Variants in SYNE2 observed in about 807,000 individuals in gnomAD.
SYNE2 encodes the protein nesprin-2.
SYNE2 carries 431 observed loss-of-function variants against 856.3 expected under a neutral mutation model. The ratio of observed to expected loss-of-function variants is 0.50; its 90% CI spans 0.47 to 0.55. The LOEUF is 0.55. SYNE2 is among the 20% of genes least tolerant of loss of function. The pLI is 0.00. For missense variants in SYNE2, 8,129 were observed against 8,023.2 expected (o/e 1.01, Z -0.50); for synonymous variants, 2,923 against 2,872.3 (o/e 1.02, Z -0.56).
intron 63 of SYNE2, chr14:64,099,041 G>T (rs2097700130): frequency 1.9e-6 from 1 of 538,012 alleles, no homozygotes. Flanking sequence ...AGACACTCTT[G>T]TTGGCATACG....
At chr14:63,789,874 AG>A (rs1436131906) in intron 1 of SYNE2, among the ~76,000 whole-genome samples, 1 of 152,106 alleles carries the variant, frequency 6.6e-6, no homozygotes, top group Non-Finnish European at 1.5e-5. Context: ...AAAAAATTGT[AG>A]GGGAGTTTGA....
intron 2 of SYNE2, among the ~76,000 whole-genome samples, chr14:63,939,090 C>T (rs968376761): frequency 7.2e-5 from 11 of 152,174 alleles, no homozygotes; most frequent in African/African-American, 2.4e-4. Flanking sequence ...GCATTGGGCA[C>T]AGGGTGCCAT....
intron 7 of SYNE2, among the ~76,000 whole-genome samples, chr14:63,951,011 T>G (rs968324702): frequency 2.7e-5 from 3 of 111,000 alleles, no homozygotes; most frequent in Admixed American, 8.4e-5. Context: ...TGCTCATATC[T>G]TTTTTTTTTT....
rs112309828 is a variant in SYNE2, at chr14:64,188,662, A to T, written c.17825A>T (p.Gln5942Leu). ...GTGCAGATGGAAAACAAAGTTCTAC[A>T]GACAGCGGACATTAGTATTGAAGAA... is the stretch of plus-strand genomic sequence containing the variant. Reference protein sequence around the residue: ...WLVQMENKVLQTADISIEEMI... With the variant: ...WLVQMENKVLLTADISIEEMI... Residue 5942 changes from glutamine (Q) to leucine (L), a missense_variant, in exon 98 of 116, where the codon CAG becomes CTG. Gln to Leu is a moderately radical substitution (Grantham distance 113). This residue lies in a region of SYNE2 where 5,410 missense variants were observed against 5,284.8 expected (regional missense o/e 1.02). Transcript: ENST00000555002. 1.9e-6 allele frequency: 3 copies of T among 1,614,150 alleles called. No homozygotes were observed.
chr14:64,022,977 C>G (rs989412944), intron 38 of SYNE2, 114 bp downstream of exon 38: 5 of 683,076 alleles, frequency 7.3e-6, no homozygotes, highest in South Asian at 7.0e-5. Flanking sequence ...ACCTGTAATC[C>G]TAGCATTTTC....
chr14:63,827,376 G>A (rs28399904), intron 1 of SYNE2, among the ~76,000 whole-genome samples: 1 of 151,670 alleles, frequency 6.6e-6, no homozygotes, highest in South Asian at 2.1e-4. Context: ...TGTAATCCCA[G>A]CACTTTGGGA....
At chr14:63,800,418 G>C (rs1387529594) in intron 1 of SYNE2, among the ~76,000 whole-genome samples, 2 of 151,980 alleles carry the variant, frequency 1.3e-5, no homozygotes, top group Non-Finnish European at 2.9e-5. Flanking sequence ...AAAGAGCTGG[G>C]ATCTTTTGTA....
chr14:64,042,490 C>G (rs2097156419), intron 45 of SYNE2, among the ~76,000 whole-genome samples: 1 of 152,180 alleles, frequency 6.6e-6, no homozygotes, highest in Non-Finnish European at 1.5e-5. Flanking sequence ...AAATCTCATC[C>G]TGAATTGTAA....
rs2096414700 is a variant in SYNE2, at chr14:63,967,773, T to C, written c.1055T>C (p.Ile352Thr). The C allele has an allele frequency of 6.2e-7, 1 of 1,613,954 alleles. No homozygotes were observed. The highest frequency in any genetic ancestry group is 8.5e-7 in the Non-Finnish European group (1 of 1,179,926). Reference protein sequence around the residue: ...EKKSFLDVLSIKRDLDELDKD... With the variant: ...EKKSFLDVLSTKRDLDELDKD... ...AAGTCCTTTTTGGATGTCCTGTCAA[T>C]AAAACGGGATCTGGATGAGCTGGAC... is the stretch of plus-strand genomic sequence containing the variant. Residue 352 changes from isoleucine (I) to threonine (T), a missense_variant, in exon 11 of 116, where the codon ATA becomes ACA. Ile to Thr is a moderately conservative substitution (Grantham distance 89, BLOSUM62 -1). Coordinates refer to ENST00000555002, the MANE Select transcript of SYNE2 (RefSeq NM_182914.3).
intron 84 of SYNE2, among the ~76,000 whole-genome samples, chr14:64,146,463 T>C (rs1411082429): frequency 1.3e-5 from 2 of 152,242 alleles, no homozygotes; most frequent in Non-Finnish European, 2.9e-5. Context: ...TCTTAAGAGG[T>C]TTGAGTAGTA....
At chr14:63,979,748 A>C (rs1387250375) in intron 14 of SYNE2, among the ~76,000 whole-genome samples, 1 of 152,148 alleles carries the variant, frequency 6.6e-6, no homozygotes, top group Non-Finnish European at 1.5e-5. Flanking sequence ...AAAAATACAA[A>C]AATTAGCTGG....
chr14:63,831,692 A>G (rs1311951377), intron 1 of SYNE2, among the ~76,000 whole-genome samples: 3 of 151,014 alleles, frequency 2.0e-5, no homozygotes, highest in Admixed American at 1.3e-4. Context: ...AGTAGCTGAT[A>G]CTACAGGCAT....
At position 63,954,891 on chromosome 14, in the gene SYNE2, A is replaced by G; in HGVS notation, c.763A>G (p.Ile255Val). The change falls in exon 8 of 116, where the codon ATC (isoleucine) becomes GTC (valine). Residue 255 changes from isoleucine (I) to valine (V), a missense_variant. This residue lies in a region of SYNE2 where 2,422 missense variants were observed against 2,357.4 expected (regional missense o/e 1.03). Transcript: ENST00000555002. ...AFRIAEQELKIPRLLEPEDVD... is the reference protein window; with the variant it reads ...AFRIAEQELKVPRLLEPEDVD... ...CAGAATTGCAGAACAAGAATTAAAAATCCCCAGATTGCTGGAACCAGAAGG... is the reference window on the plus strand; with the variant it reads ...CAGAATTGCAGAACAAGAATTAAAAGTCCCCAGATTGCTGGAACCAGAAGG... 2 of 1,613,576 alleles carry G rather than the reference A, an allele frequency of 1.2e-6. No individual in the cohort carries two copies. Among genetic ancestry groups the G allele is most frequent in the Non-Finnish European group, 1.7e-6 (2 of 1,179,884 alleles).
chr14:63,865,457 A>G (rs1355492930), intron 1 of SYNE2, among the ~76,000 whole-genome samples: 2 of 151,790 alleles, frequency 1.3e-5, no homozygotes, highest in African/African-American at 4.8e-5. Context: ...TAGAATGATG[A>G]GTAGGGCTTT....
chr14:63,998,304 C>T lies in SYNE2; in HGVS notation c.3329C>T (p.Ala1110Val). 1 of 1,612,254 alleles carries T rather than the reference C, an allele frequency of 6.2e-7. No homozygotes were observed. Among genetic ancestry groups the T allele is most frequent in the Non-Finnish European group, 8.5e-7 (1 of 1,178,318 alleles). Residue 1110 changes from alanine to valine, a missense_variant, in exon 26 of 116, where the codon GCA becomes GTA. Around this residue, in one of 3 missense-constraint regions of SYNE2, gnomAD observed 2,422 missense variants for 2,357.4 expected, o/e 1.03. Coordinates refer to ENST00000555002, the MANE Select transcript of SYNE2 (RefSeq NM_182914.3). ...EESIMEKDYSASINSLLERYD... is the reference protein window; with the variant it reads ...EESIMEKDYSVSINSLLERYD... ...AGCATTATGGAAAAGGATTACAGTG[C>T]ATCTATAAATAGTTTACTAGAGAGG...
rs1008964673 is a variant in SYNE2 at position 63,865,660 on chromosome 14, C to T, written c.-52+12517C>T. 1.1e-4 allele frequency among the ~76,000 whole-genome samples: 16 copies of T among 147,950 alleles called. No individual in the cohort carries two copies. In the East Asian group the frequency reaches 2.0e-3, roughly 18 times the overall value. On this transcript the variant is annotated intron_variant, in intron 1 of 115. Coordinates refer to ENST00000555002, the MANE Select transcript of SYNE2 (RefSeq NM_182914.3). ...CCAGGAGGTGGAAGTTGCAGTGAGC[C>T]GAGATCACGCCACTGCACTCCAGCC...
At chr14:63,772,066 A>C (rs1044878966) in intron 1 of SYNE2, among the ~76,000 whole-genome samples, 5 of 152,206 alleles carry the variant, frequency 3.3e-5, no homozygotes, top group Non-Finnish European at 5.9e-5. Flanking sequence ...TAAAGGTCAA[A>C]GACAGGCTGG....
chr14:64,072,038 T>C (rs1301014809), intron 52 of SYNE2, among the ~76,000 whole-genome samples: 1 of 152,168 alleles, frequency 6.6e-6, no homozygotes, highest in African/African-American at 2.4e-5. Flanking sequence ...TAACTAGCTG[T>C]ATAATATTCT....
intron 41 of SYNE2, 119 bp downstream of exon 41, chr14:64,025,540 A>G: frequency 2.0e-6 from 2 of 1,017,588 alleles, no homozygotes; most frequent in Non-Finnish European, 2.9e-6. Context: ...GGAATGGTTG[A>G]AGAAATTCAG....
Sources: gnomAD v4.1 joint callset for allele counts (sites outside exome capture counted in the v4.1 genomes callset) on GRCh38, gnomAD v4.1.1 for gene constraint, gnomAD v4.1.1 regional missense constraint, MANE v1.5 for transcripts, NCBI Gene and HGNC (gene_info 2026-07-23, HGNC 2026-07-21) for gene names.